Variants in ARHGEF37 observed in about 807,000 individuals in gnomAD.
ARHGEF37 encodes Rho guanine nucleotide exchange factor (GEF) 37.
A neutral mutation model predicts 71.1 loss-of-function variants in ARHGEF37; 55 were observed. The ratio of observed to expected loss-of-function variants is 0.77; its 90% CI spans 0.62 to 0.97. ARHGEF37 has a LOEUF of 0.97. Among genes scored for constraint, ARHGEF37 ranks in the 50% least tolerant of loss-of-function variants. ARHGEF37 has a pLI of 0.00. For synonymous variants in ARHGEF37, 327 were observed against 350.6 expected (o/e 0.93, Z 0.75); for missense variants, 765 against 836.8 (o/e 0.91, Z 1.06).
intron 1 of ARHGEF37, among the ~76,000 whole-genome samples, chr5:149,585,540 C>T (rs60829450): frequency 0.062 from 9,450 of 152,162 alleles, 820 homozygotes; most frequent in East Asian, 0.3. Flanking sequence ...TATTTAGAGA[C>T]GGATTCTTGC....
intron 1 of ARHGEF37, among the ~76,000 whole-genome samples, chr5:149,562,663 G>T (rs1762848628): frequency 1.3e-5 from 2 of 152,088 alleles, no homozygotes; most frequent in Non-Finnish European, 2.9e-5. Flanking sequence ...AGCCAGGATG[G>T]TCTTGATCTC....
chr5:149,552,278 A>G (rs1240530080), intron 1 of ARHGEF37, among the ~76,000 whole-genome samples: 3 of 150,294 alleles, frequency 2.0e-5, no homozygotes, highest in African/African-American at 7.3e-5. Context: ...AAACCTCAGT[A>G]TTAACCTGAA....
chr5:149,614,959 G>C (rs1334421752), intron 4 of ARHGEF37, among the ~76,000 whole-genome samples: 1 of 152,132 alleles, frequency 6.6e-6, no homozygotes, highest in Admixed American at 6.5e-5. Flanking sequence ...AACCTTTGTG[G>C]CTTTCTCCAA....
chr5:149,627,344 G>T, intron 11 of ARHGEF37, 73 bp downstream of exon 11: 1 of 1,522,186 alleles, frequency 6.6e-7, no homozygotes, highest in Non-Finnish European at 8.9e-7. Flanking sequence ...CAGAGACCCG[G>T]GCACTCTTGT....
rs1190104433 is a variant in ARHGEF37, at chr5:149,632,254, G to A, written c.*63G>A. ...GGAGGCTTAGAGGCTCTGACCCTGG[G>A]GGGAAAAGAAGCAAAGGAAAGGTGG... On this transcript the variant is annotated 3_prime_UTR_variant, in exon 13 of 13. Transcript: ENST00000333677. The A allele has an allele frequency of 6.4e-7, 1 of 1,564,534 alleles. No homozygotes were observed. The highest frequency in any genetic ancestry group is 1.4e-5 in the African/African-American group (1 of 73,676).
chr5:149,568,299 T>C (rs1389825079), intron 1 of ARHGEF37, among the ~76,000 whole-genome samples: 1 of 152,144 alleles, frequency 6.6e-6, no homozygotes, highest in East Asian at 1.9e-4. Context: ...AGTGCTGTGA[T>C]CATAGGCATG....
chr5:149,626,899 C>A, intron 10 of ARHGEF37, 177 bp from the exon 11 acceptor site: 1 of 496,450 alleles, frequency 2.0e-6, no homozygotes, highest in East Asian at 3.1e-5. Flanking sequence ...CCGTAGGCTG[C>A]TAAGAGCCAG....
chr5:149,576,911 G>A (rs915923295), upstream of ARHGEF37, among the ~76,000 whole-genome samples: 4 of 151,970 alleles, frequency 2.6e-5, no homozygotes, highest in Non-Finnish European at 5.9e-5. Flanking sequence ...AGCCGAGATC[G>A]TGCCACTGCA....
At position 149,625,642 on chromosome 5, in the gene ARHGEF37, G is replaced by A. The variant is rs372895754; in HGVS notation, c.1465-1434G>A. Among the ~76,000 whole-genome samples the A allele has an allele frequency of 3.3e-5, 5 of 152,370 alleles. No homozygotes were observed. In the South Asian group the frequency reaches 8.3e-4, roughly 25 times the overall value. On this transcript the variant is annotated intron_variant, in intron 10 of 12. Coordinates refer to ENST00000333677, the MANE Select transcript of ARHGEF37 (RefSeq NM_001001669.3). The stretch of plus-strand genomic sequence containing the variant: ...TACATGGAGAGTTTTGCCCAGCAGA[G>A]ACCTCACCGACTAGGGGTGTGCCGT...
intron 1 of ARHGEF37, among the ~76,000 whole-genome samples, chr5:149,597,065 C>T (rs749118646): frequency 3.3e-5 from 5 of 151,708 alleles, no homozygotes; most frequent in South Asian, 4.2e-4. Context: ...ATAGCCCAGG[C>T]GATGGGTAGT....
chr5:149,621,238 G>A (rs1752529096), intron 8 of ARHGEF37, among the ~76,000 whole-genome samples: 1 of 152,174 alleles, frequency 6.6e-6, no homozygotes, highest in Non-Finnish European at 1.5e-5. Flanking sequence ...CAAGGCAGGA[G>A]GATTGCTTGA....
Position 149,601,101 on chromosome 5 carries a change from C to T in ARHGEF37, c.187-7C>T. On this transcript the variant is annotated splice_region_variant and splice_polypyrimidine_tract_variant and intron_variant, in intron 2 of 12. Coordinates refer to ENST00000333677, the MANE Select transcript of ARHGEF37 (RefSeq NM_001001669.3). ...ACCACCTCTCATGGCTTCTTTGTTC[C>T]TTCCAGTTGCCGCAGGGAGATCTGG... is the stretch of plus-strand genomic sequence containing the variant. 1 of 1,608,852 alleles carries T rather than the reference C, an allele frequency of 6.2e-7. No individual in the cohort carries two copies. Among genetic ancestry groups the T allele is most frequent in the Non-Finnish European group, 8.5e-7 (1 of 1,175,990 alleles).
At chr5:149,578,955 G>C (rs1394516547), upstream of ARHGEF37, among the ~76,000 whole-genome samples, 1 of 152,116 alleles carries the variant, frequency 6.6e-6, no homozygotes, top group Non-Finnish European at 1.5e-5. Flanking sequence ...AAATAACTGA[G>C]TCCTAAAATA....
At chr5:149,618,107 C>A (rs1752426937) in intron 5 of ARHGEF37, 69 bp from the exon 6 acceptor site, 2 of 1,593,146 alleles carry the variant, frequency 1.3e-6, no homozygotes, top group East Asian at 2.2e-5. Context: ...CCCAGCCGGG[C>A]ATGTCCGTGA....
At chr5:149,571,789 G>T (rs554460271) in intron 1 of ARHGEF37, among the ~76,000 whole-genome samples, 5 of 150,970 alleles carry the variant, frequency 3.3e-5, no homozygotes, top group South Asian at 4.2e-4. Flanking sequence ...GTATGGTGGT[G>T]CATGCTACTT....
At chr5:149,581,133 C>T (rs1005491100), upstream of ARHGEF37, among the ~76,000 whole-genome samples, 11 of 152,178 alleles carry the variant, frequency 7.2e-5, no homozygotes, top group African/African-American at 2.7e-4. Context: ...TGAGGCCCAG[C>T]CCTACAGTTT....
rs1324326508 is a variant in ARHGEF37 at position 149,562,038 on chromosome 5, G to C, written c.-12+9915G>C. Reference sequence around the variant, plus strand: ...GCTTGAGTTGCCATTCCTGAGGAGAGCTGGTCCTAAGAACACATCCTGTTA... The same window carrying C: ...GCTTGAGTTGCCATTCCTGAGGAGACCTGGTCCTAAGAACACATCCTGTTA... On this transcript the variant is annotated intron_variant, in intron 1 of 2. Transcript: ENST00000505810. Among the ~76,000 whole-genome samples, 3 of 152,142 alleles carry C rather than the reference G, an allele frequency of 2.0e-5. No individual in the cohort carries two copies. In the East Asian group the frequency reaches 5.8e-4, roughly 29 times the overall value.
At chr5:149,596,705 C>T (rs1763558064) in intron 1 of ARHGEF37, among the ~76,000 whole-genome samples, 1 of 152,012 alleles carries the variant, frequency 6.6e-6, no homozygotes, top group Admixed American at 6.6e-5. Context: ...CAAGAGTAGC[C>T]TTAGAGAAGT....
intron 1 of ARHGEF37, among the ~76,000 whole-genome samples, chr5:149,555,086 G>A (rs935073452): frequency 4.0e-5 from 6 of 149,404 alleles, no homozygotes; most frequent in East Asian, 2.0e-4. Context: ...AGCTGAGATC[G>A]TGCCATTGCA....
Sources: allele counts gnomAD v4.1 joint callset (sites outside exome capture counted in the v4.1 genomes callset), GRCh38; gene constraint gnomAD v4.1.1; transcripts MANE v1.5; gene names NCBI Gene and HGNC (gene_info 2026-07-23, HGNC 2026-07-21).